The following GRAMD2B variants were observed in gnomAD, a reference collection of about 807,000 sequenced individuals.
GRAMD2B encodes the protein GRAM domain containing 2B, also known as GRAM domain-containing protein 2B.
A neutral mutation model predicts 59.2 loss-of-function variants in GRAMD2B; 41 were observed. That is an observed-to-expected ratio of 0.69 (90% CI 0.54 to 0.90). The LOEUF is 0.90. Among genes scored for constraint, GRAMD2B ranks in the 40% least tolerant of loss-of-function variants. The pLI is 0.00. For synonymous variants in GRAMD2B, 161 were observed against 182.7 expected (o/e 0.88, Z 0.96); for missense variants, 424 against 500.5 (o/e 0.85, Z 1.46).
At chr5:126,402,157 A>G (rs1054143593) in intron 1 of GRAMD2B, among the ~76,000 whole-genome samples, 2 of 152,052 alleles carry the variant, frequency 1.3e-5, no homozygotes, top group Non-Finnish European at 2.9e-5. Context: ...AGTGCCTTCA[A>G]TAGCATCCTT....
intron 1 of GRAMD2B, among the ~76,000 whole-genome samples, chr5:126,430,570 A>G (rs1761393733): frequency 6.6e-6 from 1 of 152,116 alleles, no homozygotes; most frequent in African/African-American, 2.4e-5. Context: ...CCCTATCTCT[A>G]TGAATCTGCC....
chr5:126,471,138 G>A (rs1428967666), intron 3 of GRAMD2B, among the ~76,000 whole-genome samples: 2 of 152,132 alleles, frequency 1.3e-5, no homozygotes, highest in Non-Finnish European at 2.9e-5. Context: ...AACAGGGCCA[G>A]TTTTGCCATT....
chr5:126,467,574 C>A (rs1419317872), intron 2 of GRAMD2B: 2 of 152,146 alleles, frequency 1.3e-5, no homozygotes, highest in East Asian at 3.8e-4. Context: ...CGGATCATTT[C>A]CTTGCCCATT....
chr5:126,486,971 A>G lies in GRAMD2B; in HGVS notation c.1157A>G (p.Asn386Ser), dbSNP rs911897916. 2.6e-6 allele frequency: 4 copies of G among 1,562,418 alleles called. No homozygotes were observed. Among genetic ancestry groups the G allele is most frequent in the Non-Finnish European group, 2.6e-6 (3 of 1,133,338 alleles). The change falls in exon 12 of 14, where the codon AAT becomes AGT. Residue 386 changes from asparagine to serine, a missense_variant. Physicochemically the swap from Asn to Ser is conservative, Grantham distance 46 (BLOSUM62 1). Coordinates refer to ENST00000285689, the MANE Select transcript of GRAMD2B (RefSeq NM_023927.4). ...CTAACCTCCATTGTGGACACCCATA[A>G]TACTGAGTAAGACGATTGCCTCTAG... ...GLLTSIVDTH[N>S]TEQAAPSGLR...
chr5:126,477,646 G>A (rs113807225), intron 5 of GRAMD2B, 46 bp from the exon 6 acceptor site: 2 of 1,012,304 alleles, frequency 2.0e-6, no homozygotes, highest in Non-Finnish European at 1.6e-6. Context: ...TTGAAGTGCT[G>A]TTCTGTCAAG....
At chr5:126,485,174 T>C (rs1438759059) in intron 10 of GRAMD2B, among the ~76,000 whole-genome samples, 1 of 151,956 alleles carries the variant, frequency 6.6e-6, no homozygotes, top group African/African-American at 2.4e-5. Flanking sequence ...GGCAACATAG[T>C]GAGACCCTAT....
chr5:126,419,130 C>T (rs1368099994), upstream of GRAMD2B, among the ~76,000 whole-genome samples: 1 of 152,068 alleles, frequency 6.6e-6, no homozygotes, highest in Non-Finnish European at 1.5e-5. Context: ...GTGTATTAGT[C>T]GATTCTCACA....
chr5:126,403,233 G>T (rs758167095), intron 1 of GRAMD2B, among the ~76,000 whole-genome samples: 2 of 151,968 alleles, frequency 1.3e-5, no homozygotes, highest in African/African-American at 2.4e-5. Flanking sequence ...TTTAAAAAAT[G>T]ATTTGATTCC....
intron 1 of GRAMD2B, among the ~76,000 whole-genome samples, chr5:126,448,522 A>G (rs891098017): frequency 1.3e-5 from 2 of 152,178 alleles, no homozygotes; most frequent in African/African-American, 4.8e-5. Flanking sequence ...AAGGAATGAT[A>G]TGATCATATT....
At chr5:126,388,378 A>T (rs556938208) in intron 1 of GRAMD2B, among the ~76,000 whole-genome samples, 2 of 152,276 alleles carry the variant, frequency 1.3e-5, no homozygotes, top group Admixed American at 1.3e-4. Context: ...ATCTCAAAAA[A>T]TAAACAAACA....
chr5:126,465,204 A>G, intron 1 of GRAMD2B: 3 of 1,396,724 alleles, frequency 2.1e-6, no homozygotes, highest in Non-Finnish European at 2.8e-6. Context: ...ACAGTCTGGC[A>G]TTTACAAGTG....
intron 1 of GRAMD2B, among the ~76,000 whole-genome samples, chr5:126,361,430 T>C (rs1754215392): frequency 6.6e-6 from 1 of 150,398 alleles, no homozygotes; most frequent in South Asian, 2.1e-4. Flanking sequence ...TTTAACTGAA[T>C]GTGTTGACTA....
intron 1 of GRAMD2B, among the ~76,000 whole-genome samples, chr5:126,447,847 G>A (rs1764603005): frequency 6.7e-6 from 1 of 150,196 alleles, no homozygotes; most frequent in Non-Finnish European, 1.5e-5. Flanking sequence ...CAAGTAAACA[G>A]TAGCCCATTT....
At chr5:126,440,936 A>T (rs1172217005) in intron 1 of GRAMD2B, among the ~76,000 whole-genome samples, 1 of 152,204 alleles carries the variant, frequency 6.6e-6, no homozygotes, top group Non-Finnish European at 1.5e-5. Context: ...TAAAACATGT[A>T]TAAAATGATC....
intron 1 of GRAMD2B, among the ~76,000 whole-genome samples, chr5:126,453,529 C>T (rs1765738721): frequency 6.6e-6 from 1 of 152,146 alleles, no homozygotes; most frequent in African/African-American, 2.4e-5. Context: ...AAGGAGAATT[C>T]ACTATCAGCA....
intron 1 of GRAMD2B, among the ~76,000 whole-genome samples, chr5:126,397,300 C>T (rs1230193903): frequency 6.6e-6 from 1 of 152,186 alleles, no homozygotes; most frequent in Admixed American, 6.5e-5. Context: ...TCTTGGCTCA[C>T]TGCAACCTTC....
chr5:126,418,986 T>C (rs17154542), upstream of GRAMD2B, among the ~76,000 whole-genome samples: 16,067 of 152,252 alleles, frequency 0.11, 1,065 homozygotes, highest in East Asian at 0.26. Context: ...GTCATTAACA[T>C]CTTCTAAAAC....
At chr5:126,462,526 G>T in intron 1 of GRAMD2B, 1 of 691,196 alleles carries the variant, frequency 1.4e-6, no homozygotes, top group Non-Finnish European at 1.8e-6. Flanking sequence ...AAAAACCTAA[G>T]ATCAAATTGA....
At chr5:126,476,092 G>A (rs1028676059) in intron 5 of GRAMD2B, among the ~76,000 whole-genome samples, 1 of 151,816 alleles carries the variant, frequency 6.6e-6, no homozygotes, top group South Asian at 2.1e-4. Flanking sequence ...CAGGCAACAA[G>A]AACGAAACTC....
Sources: allele counts gnomAD v4.1 joint callset (sites outside exome capture counted in the v4.1 genomes callset), GRCh38; gene constraint gnomAD v4.1.1; transcripts MANE v1.5; gene names NCBI Gene and HGNC (gene_info 2026-07-23, HGNC 2026-07-21).